Variants in ASB9 observed in about 807,000 individuals in gnomAD.
ASB9 encodes ankyrin repeat and SOCS box protein 9.
ASB9 carries 5 observed loss-of-function variants against 16.6 expected under a neutral mutation model. The ratio of observed to expected loss-of-function variants is 0.30; its 90% CI spans 0.16 to 0.63. The LOEUF (loss-of-function observed/expected upper bound fraction) is 0.63. Among genes scored for constraint, ASB9 ranks in the 30% least tolerant of loss-of-function variants. The pLI is 0.82. For missense variants in ASB9, 216 were observed against 229.4 expected (o/e 0.94, Z 0.38); for synonymous variants, 100 against 86.4 (o/e 1.16, Z -0.87).
intron 2 of ASB9, among the ~76,000 whole-genome samples, chrX:15,256,482 A>G (rs1925549702): frequency 9.4e-6 from 1 of 106,756 alleles, no homozygotes; most frequent in Non-Finnish European, 1.9e-5. Context: ...ACTGAAAAAA[A>G]TTTGCCAACT....
chrX:15,260,171 G>A (rs12840423), intron 1 of ASB9, among the ~76,000 whole-genome samples: 16,666 of 111,655 alleles, frequency 0.15, 2,009 homozygotes, highest in African/African-American at 0.4. Context: ...GGCCGAGGTG[G>A]GCAGATCACC....
chrX:15,260,015 A>ACATAC (rs1925849677), intron 1 of ASB9, among the ~76,000 whole-genome samples: 1 of 112,048 alleles, frequency 8.9e-6, no homozygotes. Context: ...TGTACTTACC[A>ACATAC]TGGCTCAACA....
chrX:15,252,318 C>T lies in ASB9; in HGVS notation c.369G>A (p.Gln123=), dbSNP rs764201131. The T allele has an allele frequency of 5.8e-6, 7 of 1,209,851 alleles. No homozygotes were observed. The South Asian group carries it at 1.1e-4, about 18-fold the overall frequency. The change falls in exon 4 of 7, where the codon CAG becomes CAA. Residue 123 remains glutamine (Q), a synonymous_variant. Coordinates refer to ENST00000380488, the MANE Select transcript of ASB9 (RefSeq NM_001031739.3). ...TCTCAGGTTGAACGCTGGCTCCGTG[C>T]TGCAGAAGCAAATTCACACAATCCC... ...GSWDCVNLLL[Q]HGASVQPESD...
chrX:15,265,297 C>T (rs1243617245), intron 1 of ASB9, among the ~76,000 whole-genome samples: 1 of 112,132 alleles, frequency 8.9e-6, no homozygotes, highest in East Asian at 2.8e-4. Context: ...ATCCTCCCCT[C>T]CTCATCCTGC....
chrX:15,262,775 G>T (rs1926079219), intron 1 of ASB9, among the ~76,000 whole-genome samples: 1 of 111,703 alleles, frequency 9.0e-6, no homozygotes, highest in African/African-American at 3.3e-5. Flanking sequence ...GGGACTACAG[G>T]TGCACACCAT....
chrX:15,258,824 AT>A (rs1555932157), intron 2 of ASB9, 41 bp downstream of exon 2: 1 of 1,044,052 alleles, frequency 9.6e-7, no homozygotes, highest in Non-Finnish European at 1.3e-6. Context: ...TTGTTTTAAT[AT>A]TTTGATAGGT....
chrX:15,269,944 TC>T lies in ASB9; in HGVS notation c.-71del. 1.2e-6 allele frequency: 1 copy of T among 840,688 alleles called. No individual in the cohort carries two copies. The allele number at this position is 840,688 out of a possible 1,213,427, so 69.3% of individuals were successfully genotyped here. On this transcript the variant is annotated 5_prime_UTR_variant, in exon 1 of 7. Transcript: ENST00000380488. ...GCTCAGCAAAGTCCAAACTCCATGC[TC>T]CCCCTGCTCCTGAAAAATTCCAGTT...
chrX:15,268,829 T>A (rs988176510), intron 1 of ASB9, among the ~76,000 whole-genome samples: 13 of 101,405 alleles, frequency 1.3e-4, no homozygotes, highest in African/African-American at 4.3e-4. Flanking sequence ...GAAAAAAAAA[T>A]TAATAAATAA....
At chrX:15,249,419 C>A (rs151249841) in intron 5 of ASB9, among the ~76,000 whole-genome samples, 41 of 112,163 alleles carry the variant, frequency 3.7e-4, no homozygotes, top group African/African-American at 1.2e-3. Flanking sequence ...ATGGGGGTAT[C>A]CCCTGGATTG....
intron 1 of ASB9, among the ~76,000 whole-genome samples, chrX:15,262,792 C>T (rs1926082193): frequency 1.8e-5 from 2 of 111,763 alleles, no homozygotes; most frequent in Non-Finnish European, 3.8e-5. Flanking sequence ...CCATCACACT[C>T]AGTTAATTTT....
chrX:15,267,559 A>C (rs1926614473), intron 1 of ASB9, among the ~76,000 whole-genome samples: 1 of 89,353 alleles, frequency 1.1e-5, no homozygotes, highest in Non-Finnish European at 2.2e-5. Context: ...CCTGGCTAAC[A>C]TGGTGAAACC....
At chrX:15,250,143 G>A (rs974250431) in intron 5 of ASB9, among the ~76,000 whole-genome samples, 19 of 111,104 alleles carry the variant, frequency 1.7e-4, no homozygotes, top group Non-Finnish European at 3.6e-4. Context: ...GGAGACAGAG[G>A]AAAGGGAGGA....
intron 5 of ASB9, among the ~76,000 whole-genome samples, chrX:15,249,792 T>C (rs1200339110): frequency 8.1e-5 from 9 of 111,455 alleles, no homozygotes; most frequent in Non-Finnish European, 1.7e-4. Flanking sequence ...CATCTCTTAA[T>C]TCATAGCAAT....
intron 4 of ASB9, among the ~76,000 whole-genome samples, chrX:15,251,535 C>T (rs1276274299): frequency 8.9e-6 from 1 of 112,020 alleles, no homozygotes; most frequent in Non-Finnish European, 1.9e-5. Context: ...AATATTAATG[C>T]TTTGGGAGAT....
intron 6 of ASB9, among the ~76,000 whole-genome samples, chrX:15,247,737 G>A (rs185121570): frequency 2.6e-4 from 29 of 112,304 alleles, no homozygotes; most frequent in Admixed American, 1.4e-3. Flanking sequence ...CTGCTTAACT[G>A]TAAGGGGCCT....
rs773972497 is a variant in ASB9 at position 15,246,642 on chromosome X, A to AT, written c.761-2013dup. Among the ~76,000 whole-genome samples, 186 of 110,264 alleles carry AT rather than the reference A, an allele frequency of 1.7e-3. 1 individual carries two copies. Among genetic ancestry groups the AT allele is most frequent in the African/African-American group, 5.8e-3 (175 of 30,232 alleles). On this transcript the variant is annotated intron_variant, in intron 6 of 6. Coordinates refer to ENST00000380488, the MANE Select transcript of ASB9 (RefSeq NM_001031739.3). ...AGGTGCCTGCCACCACGCCCGGCTAATTTTTTTTGTATTTTTAGAAGAGAC... is the reference window on the plus strand; with the variant it reads ...AGGTGCCTGCCACCACGCCCGGCTAATTTTTTTTTGTATTTTTAGAAGAGAC...
At chrX:15,263,506 T>C (rs1296186134) in intron 1 of ASB9, among the ~76,000 whole-genome samples, 1 of 111,181 alleles carries the variant, frequency 9.0e-6, no homozygotes, top group Non-Finnish European at 1.9e-5. Context: ...ACTGCAGTTC[T>C]TTCTCCAGTT....
chrX:15,246,914 G>A (rs143741231), intron 6 of ASB9, among the ~76,000 whole-genome samples: 1 of 111,691 alleles, frequency 9.0e-6, no homozygotes. Flanking sequence ...GGGTGAGGTG[G>A]CAATATTCTT....
rs375172208 is a variant in ASB9 at position 15,263,543 on chromosome X, TTCTTCTCTC to T, written c.95-4607_95-4599del. ...CATCATCCAGCCTCTCCTCTCCTCTTTCTTCTCTCTCTTCTCTCTCTTCTCTTTCCTGTC... is the reference window on the plus strand; with the variant it reads ...CATCATCCAGCCTCTCCTCTCCTCTTTCTTCTCTCTCTTCTCTTTCCTGTC... On this transcript the variant is annotated intron_variant, in intron 1 of 6. Coordinates refer to ENST00000380488, the MANE Select transcript of ASB9 (RefSeq NM_001031739.3). Among the ~76,000 whole-genome samples, 395 of 107,127 alleles carry T rather than the reference TTCTTCTCTC, an allele frequency of 3.7e-3. 4 individuals are homozygous for T. The highest frequency in any genetic ancestry group is 0.012 in the African/African-American group (356 of 29,309). 93.0% of individuals were successfully genotyped at this position (107,127 alleles called of 115,157 possible). A position where few individuals can be genotyped will look rare whatever the true frequency, so the allele number is the denominator to read the frequency against.
Sources: allele counts gnomAD v4.1 joint callset (sites outside exome capture counted in the v4.1 genomes callset), GRCh38; gene constraint gnomAD v4.1.1; transcripts MANE v1.5; gene names NCBI Gene and HGNC (gene_info 2026-07-23, HGNC 2026-07-21).